Variants in PCGF5 observed in about 807,000 individuals in gnomAD.
PCGF5 encodes polycomb group ring finger 5.
In PCGF5, 9 loss-of-function variants were observed where a neutral mutation model predicts 44.3. The ratio of observed to expected loss-of-function variants is 0.20; its 90% CI spans 0.12 to 0.35. PCGF5 has a LOEUF of 0.35. Ranked by LOEUF, PCGF5 falls within the 10% of genes least tolerant of loss-of-function variation. The probability of loss-of-function intolerance (pLI) is 1.00; values close to 1 mark genes in which losing one functional copy is unlikely to be tolerated. For synonymous variants in PCGF5, 95 were observed against 102.5 expected (o/e 0.93, Z 0.44); for missense variants, 146 against 305.3 (o/e 0.48, Z 3.89).
At chr10:91,206,164 G>A (rs1306363927) in intron 1 of PCGF5, among the ~76,000 whole-genome samples, 1 of 152,170 alleles carries the variant, frequency 6.6e-6, no homozygotes, top group East Asian at 1.9e-4. Context: ...ATGTGCCAAA[G>A]TCTGTGCTTG....
At position 91,243,761 on chromosome 10, in the gene PCGF5, A is replaced by G. The variant is rs567988734; in HGVS notation, c.209+3181A>G. On this transcript the variant is annotated intron_variant, in intron 3 of 9. Coordinates refer to ENST00000336126, the MANE Select transcript of PCGF5 (RefSeq NM_032373.5). Reference sequence around the variant, plus strand: ...CTTTATTGTTCAATAAATAAAAATTACTAAATGTATTATTAAAGATATTTT... The same window carrying G: ...CTTTATTGTTCAATAAATAAAAATTGCTAAATGTATTATTAAAGATATTTT... 2.0e-5 allele frequency among the ~76,000 whole-genome samples: 3 copies of G among 152,370 alleles called. No individual in the cohort carries two copies. In the South Asian group the frequency reaches 6.2e-4, roughly 32 times the overall value.
intron 8 of PCGF5, among the ~76,000 whole-genome samples, chr10:91,268,881 A>G (rs928876502): frequency 2.0e-5 from 3 of 152,204 alleles, no homozygotes; most frequent in African/African-American, 7.2e-5. Context: ...TTTAGGAATC[A>G]AAACAAACAG....
intron 6 of PCGF5, among the ~76,000 whole-genome samples, chr10:91,252,820 G>A (rs1845653081): frequency 6.6e-6 from 1 of 151,972 alleles, no homozygotes; most frequent in African/African-American, 2.4e-5. Flanking sequence ...TTCTCTGCAT[G>A]ATTTCTCATA....
At chr10:91,250,252 C>G (rs879633316) in intron 5 of PCGF5, among the ~76,000 whole-genome samples, 3 of 151,922 alleles carry the variant, frequency 2.0e-5, no homozygotes, top group Non-Finnish European at 2.9e-5. Flanking sequence ...GAACCCACCT[C>G]CCCGCTCTAT....
At chr10:91,269,644 T>C (rs1846131980) in intron 8 of PCGF5, among the ~76,000 whole-genome samples, 1 of 152,194 alleles carries the variant, frequency 6.6e-6, no homozygotes, top group South Asian at 2.1e-4. Flanking sequence ...AGTATGCATG[T>C]TTTAAATTTT....
rs147240947 is a variant in PCGF5 at position 91,195,031 on chromosome 10, T to A, written c.-183-27658T>A. 5.3e-3 allele frequency among the ~76,000 whole-genome samples: 809 copies of A among 152,118 alleles called. 7 individuals carry two copies. The highest frequency in any genetic ancestry group is 0.018 in the African/African-American group (749 of 41,490). The stretch of plus-strand genomic sequence containing the variant: ...TGGTGAGAGTGTGTGTGAGTTCTCT[T>A]CTGATGACTCAGTTTTCTCAGTGGA... On this transcript the variant is annotated intron_variant, in intron 1 of 9. Transcript: ENST00000614189.
chr10:91,231,878 G>C (rs1845014735), intron 2 of PCGF5, among the ~76,000 whole-genome samples: 1 of 152,118 alleles, frequency 6.6e-6, no homozygotes, highest in South Asian at 2.1e-4. Context: ...AGGTTTTGAA[G>C]GTAAATTCAT....
At chr10:91,177,010 C>T (rs894248439) in intron 1 of PCGF5, among the ~76,000 whole-genome samples, 1 of 152,220 alleles carries the variant, frequency 6.6e-6, no homozygotes, top group African/African-American at 2.4e-5. Context: ...AGTTTTTCTG[C>T]TCTGTTTTTT....
chr10:91,255,883 C>T (rs574197203), intron 6 of PCGF5, among the ~76,000 whole-genome samples: 11 of 151,976 alleles, frequency 7.2e-5, no homozygotes, highest in East Asian at 1.9e-4. Context: ...TTGCACGTAA[C>T]GTATGCACAA....
At chr10:91,188,038 A>G (rs184053107) in intron 1 of PCGF5, among the ~76,000 whole-genome samples, 337 of 152,300 alleles carry the variant, frequency 2.2e-3, no homozygotes, top group Admixed American at 3.7e-3. Context: ...CAGGTTAGTT[A>G]CATATGTATA....
At chr10:91,273,859 C>T (rs947070033) in intron 9 of PCGF5, among the ~76,000 whole-genome samples, 1 of 149,544 alleles carries the variant, frequency 6.7e-6, no homozygotes, top group African/African-American at 2.4e-5. Flanking sequence ...ATATTTTATA[C>T]ATTTTATATA....
intron 3 of PCGF5, 138 bp from the exon 4 acceptor site, chr10:91,248,367 A>G: frequency 1.3e-6 from 1 of 786,104 alleles, no homozygotes; most frequent in Non-Finnish European, 2.1e-6. Context: ...TTCCATGGAC[A>G]GAAGAGTATG....
At chr10:91,258,362 G>C (rs148301306) in intron 6 of PCGF5, among the ~76,000 whole-genome samples, 276 of 152,212 alleles carry the variant, frequency 1.8e-3, no homozygotes, top group African/African-American at 6.1e-3. Context: ...TTCCAGTACA[G>C]GTTGAGTATC....
chr10:91,252,602 A>G (rs964861930), intron 6 of PCGF5, among the ~76,000 whole-genome samples: 1 of 152,054 alleles, frequency 6.6e-6, no homozygotes. Flanking sequence ...ATCTATCTTT[A>G]GAGAAATGAC....
intron 1 of PCGF5, among the ~76,000 whole-genome samples, chr10:91,208,349 C>T (rs1844383968): frequency 6.6e-6 from 1 of 152,168 alleles, no homozygotes; most frequent in Non-Finnish European, 1.5e-5. Context: ...CCTAACTGCA[C>T]TGATCCTTGG....
chr10:91,276,446 C>G (rs1167163686), intron 9 of PCGF5, among the ~76,000 whole-genome samples: 1 of 152,042 alleles, frequency 6.6e-6, no homozygotes, highest in Non-Finnish European at 1.5e-5. Flanking sequence ...TAATTATAAG[C>G]CATATTTGAT....
intron 3 of PCGF5, among the ~76,000 whole-genome samples, chr10:91,244,928 A>AGTT (rs34241298): frequency 0.13 from 19,815 of 152,040 alleles, 2,414 homozygotes; most frequent in African/African-American, 0.32. Flanking sequence ...GAAGAGAGGA[A>AGTT]GGTAAGTGGA....
At chr10:91,177,504 G>C (rs924402597) in intron 1 of PCGF5, among the ~76,000 whole-genome samples, 1 of 152,216 alleles carries the variant, frequency 6.6e-6, no homozygotes, top group African/African-American at 2.4e-5. Flanking sequence ...GCCCCCGGAG[G>C]TGGAGTCTAC....
At chr10:91,230,175 A>C (rs1159376830) in intron 2 of PCGF5, among the ~76,000 whole-genome samples, 1 of 152,244 alleles carries the variant, frequency 6.6e-6, no homozygotes. Context: ...CAGACGTAAA[A>C]GAGTGAAATC....
Sources: allele counts gnomAD v4.1 joint callset (sites outside exome capture counted in the v4.1 genomes callset), GRCh38; gene constraint gnomAD v4.1.1; transcripts MANE v1.5; gene names NCBI Gene and HGNC (gene_info 2026-07-23, HGNC 2026-07-21).